Variants in ELOVL6 observed in about 807,000 individuals in gnomAD.
ELOVL6 encodes ELOVL fatty acid elongase 6, also known as very long chain fatty acid elongase 6.
ELOVL6 carries 8 observed loss-of-function variants against 31.7 expected under a neutral mutation model. The ratio of observed to expected loss-of-function variants is 0.25; its 90% CI spans 0.15 to 0.45. ELOVL6 has a LOEUF of 0.45. Among genes scored for constraint, ELOVL6 ranks in the 20% least tolerant of loss-of-function variants. The probability of loss-of-function intolerance (pLI) is 1.00; values close to 1 mark genes in which losing one functional copy is unlikely to be tolerated. For missense variants in ELOVL6, 126 were observed against 326.4 expected (o/e 0.39, Z 4.73); for synonymous variants, 101 against 117.7 (o/e 0.86, Z 0.92).
At chr4:110,155,857 T>C (rs899482735) in intron 1 of ELOVL6, among the ~76,000 whole-genome samples, 2 of 152,130 alleles carry the variant, frequency 1.3e-5, no homozygotes, top group Non-Finnish European at 2.9e-5. Context: ...TCAGCACTGG[T>C]GATTATAAAA....
rs183063840 is a variant in ELOVL6, at chr4:110,107,047, C to T, written c.90-1419G>A. Among the ~76,000 whole-genome samples the T allele has an allele frequency of 1.2e-4, 19 of 152,232 alleles. No homozygotes were observed. The East Asian group carries it at 2.5e-3, about 20-fold the overall frequency. ...AAGGGTTGAGAAATAAGTTACAAAACATAATATCAAAAGCAAAATGTGTTC... is the reference window on the plus strand; with the variant it reads ...AAGGGTTGAGAAATAAGTTACAAAATATAATATCAAAAGCAAAATGTGTTC... On this transcript the variant is annotated intron_variant, in intron 1 of 3. Coordinates refer to ENST00000302274, the MANE Select transcript of ELOVL6 (RefSeq NM_024090.3).
At chr4:110,150,765 G>A (rs889938622) in intron 1 of ELOVL6, among the ~76,000 whole-genome samples, 33 of 152,056 alleles carry the variant, frequency 2.2e-4, no homozygotes, top group African/African-American at 7.7e-4. Context: ...TTTTAGGGCC[G>A]GGCACGGTGG....
intron 1 of ELOVL6, among the ~76,000 whole-genome samples, chr4:110,144,294 T>C (rs1000049036): frequency 1.3e-5 from 2 of 152,158 alleles, no homozygotes; most frequent in Non-Finnish European, 2.9e-5. Flanking sequence ...ATCTTGGTAC[T>C]TTTACAAGAA....
At chr4:110,164,597 CG>C (rs1378447631) in intron 1 of ELOVL6, among the ~76,000 whole-genome samples, 1 of 151,536 alleles carries the variant, frequency 6.6e-6, no homozygotes, top group Non-Finnish European at 1.5e-5. Flanking sequence ...AAAATTAGCC[CG>C]GTGTGGTGGC....
At chr4:110,182,374 T>G (rs1477648561) in intron 1 of ELOVL6, among the ~76,000 whole-genome samples, 1 of 152,206 alleles carries the variant, frequency 6.6e-6, no homozygotes, top group Non-Finnish European at 1.5e-5. Context: ...CAGTTCAATG[T>G]CCTCACAAAC....
intron 1 of ELOVL6, among the ~76,000 whole-genome samples, chr4:110,164,838 T>G (rs1032243344): frequency 6.6e-6 from 1 of 151,820 alleles, no homozygotes; most frequent in African/African-American, 2.4e-5. Context: ...TTTCTTGTTT[T>G]GGGGAATTTC....
chr4:110,085,543 G>A lies in ELOVL6; in HGVS notation c.221+19954C>T, dbSNP rs114990347. 3.6e-3 allele frequency among the ~76,000 whole-genome samples: 541 copies of A among 152,264 alleles called. 3 individuals are homozygous for A. Among genetic ancestry groups the A allele is most frequent in the African/African-American group, 0.012 (516 of 41,532 alleles). The stretch of plus-strand genomic sequence containing the variant: ...ATTGAACTTCTCATCTACTGAACAC[G>A]TCCCAAAAGCCTTTAGTTGTTCAAT... On this transcript the variant is annotated intron_variant, in intron 2 of 3. Transcript: ENST00000302274.
At chr4:110,083,505 G>A (rs1440367301) in intron 2 of ELOVL6, among the ~76,000 whole-genome samples, 4 of 151,566 alleles carry the variant, frequency 2.6e-5, no homozygotes, top group Admixed American at 6.6e-5. Flanking sequence ...GGTGGGCATG[G>A]ACTACAGCTT....
At chr4:110,121,330 G>A (rs1343438442) in intron 1 of ELOVL6, among the ~76,000 whole-genome samples, 1 of 152,180 alleles carries the variant, frequency 6.6e-6, no homozygotes, top group Non-Finnish European at 1.5e-5. Context: ...ATTCAGCTAA[G>A]TTTGCATAGT....
At chr4:110,084,525 TACACTTACACACAC>T (rs1445610619) in intron 2 of ELOVL6, among the ~76,000 whole-genome samples, 21 of 90,624 alleles carry the variant, frequency 2.3e-4, no homozygotes, top group African/African-American at 7.4e-4. Flanking sequence ...ATACATTATA[TACACTTACACACAC>T]ACACACACAC....
At chr4:110,099,180 T>C (rs1226679107) in intron 2 of ELOVL6, among the ~76,000 whole-genome samples, 1 of 152,220 alleles carries the variant, frequency 6.6e-6, no homozygotes, top group African/African-American at 2.4e-5. Context: ...TATTAAACAC[T>C]AAATTTGTTT....
At chr4:110,086,949 T>C (rs1334764563) in intron 2 of ELOVL6, among the ~76,000 whole-genome samples, 1 of 152,098 alleles carries the variant, frequency 6.6e-6, no homozygotes, top group East Asian at 1.9e-4. Flanking sequence ...CCTATAATAG[T>C]ATTTCCTTTG....
At chr4:110,188,904 A>T (rs1483426310) in intron 1 of ELOVL6, among the ~76,000 whole-genome samples, 1 of 151,938 alleles carries the variant, frequency 6.6e-6, no homozygotes, top group Admixed American at 6.6e-5. Flanking sequence ...AAAAAAAAAA[A>T]AGTAAAACAT....
At chr4:110,141,911 A>G (rs988334462) in intron 1 of ELOVL6, among the ~76,000 whole-genome samples, 5 of 143,740 alleles carry the variant, frequency 3.5e-5, no homozygotes, top group Non-Finnish European at 7.6e-5. Context: ...TACTAATACA[A>G]TATATACATA....
intron 3 of ELOVL6, among the ~76,000 whole-genome samples, chr4:110,052,204 A>G (rs1243467207): frequency 3.3e-5 from 5 of 152,246 alleles, no homozygotes; most frequent in Non-Finnish European, 7.3e-5. Flanking sequence ...TAGATCATTT[A>G]TCAATCAAAG....
At chr4:110,117,457 C>A (rs193060967) in intron 1 of ELOVL6, among the ~76,000 whole-genome samples, 1 of 151,964 alleles carries the variant, frequency 6.6e-6, no homozygotes, top group Non-Finnish European at 1.5e-5. Flanking sequence ...GTGAGCAGTT[C>A]GATTTAAAAG....
chr4:110,108,751 A>G (rs960925275), intron 1 of ELOVL6, among the ~76,000 whole-genome samples: 6 of 152,218 alleles, frequency 3.9e-5, no homozygotes, highest in Non-Finnish European at 5.9e-5. Flanking sequence ...TGTATAAGCT[A>G]TATCAGGGTC....
chr4:110,144,076 G>A (rs1446855006), intron 1 of ELOVL6, among the ~76,000 whole-genome samples: 12 of 117,338 alleles, frequency 1.0e-4, no homozygotes, highest in African/African-American at 3.1e-4. Flanking sequence ...AAAAAAAAAA[G>A]ATGAGGGGTC....
intron 1 of ELOVL6, among the ~76,000 whole-genome samples, chr4:110,137,760 C>A (rs541740658): frequency 6.6e-6 from 1 of 152,268 alleles, no homozygotes; most frequent in South Asian, 2.1e-4. Flanking sequence ...GAGGCCATAA[C>A]AAACTTTTAG....
Sources: gnomAD v4.1 joint callset for allele counts (sites outside exome capture counted in the v4.1 genomes callset) on GRCh38, gnomAD v4.1.1 for gene constraint, MANE v1.5 for transcripts, NCBI Gene and HGNC (gene_info 2026-07-23, HGNC 2026-07-21) for gene names.